The following OCA2 variants were observed in gnomAD, a reference collection of about 807,000 sequenced individuals.
OCA2 encodes P protein.
Under a neutral mutation model 100.2 loss-of-function variants are expected in OCA2, and 77 were observed. The ratio of observed to expected loss-of-function variants is 0.77; its 90% CI spans 0.64 to 0.93. The LOEUF (loss-of-function observed/expected upper bound fraction) is 0.93, where lower values mean the gene tolerates loss of function less well. Ranked by LOEUF, OCA2 falls within the 40% of genes least tolerant of loss-of-function variation. OCA2 has a pLI of 0.00. For missense variants in OCA2, 1,062 were observed against 1,089.1 expected (o/e 0.98, Z 0.35); for synonymous variants, 432 against 439.2 (o/e 0.98, Z 0.21).
intron 23 of OCA2, among the ~76,000 whole-genome samples, chr15:27,782,230 T>C (rs2032580604): frequency 6.6e-6 from 1 of 152,222 alleles, no homozygotes; most frequent in Non-Finnish European, 1.5e-5. Context: ...CTAAGTTTGT[T>C]TCTGGAGGAA....
intron 9 of OCA2, among the ~76,000 whole-genome samples, chr15:27,995,549 T>C (rs1273087517): frequency 8.1e-6 from 1 of 123,462 alleles, no homozygotes; most frequent in Non-Finnish European, 1.9e-5. Flanking sequence ...TACACCACCA[T>C]GTCCAGCTAA....
At chr15:27,887,275 G>C (rs1262209159) in intron 19 of OCA2, among the ~76,000 whole-genome samples, 3 of 151,934 alleles carry the variant, frequency 2.0e-5, no homozygotes, top group Non-Finnish European at 4.4e-5. Flanking sequence ...CAGGAAAATG[G>C]GAACAGCACA....
At chr15:27,945,841 C>T (rs1374076003) in intron 18 of OCA2, among the ~76,000 whole-genome samples, 1 of 152,136 alleles carries the variant, frequency 6.6e-6, no homozygotes, top group African/African-American at 2.4e-5. Flanking sequence ...TAGGAAACAG[C>T]TCATCAAGGC....
chr15:27,988,854 T>C (rs2041449009), intron 11 of OCA2, among the ~76,000 whole-genome samples: 1 of 152,184 alleles, frequency 6.6e-6, no homozygotes, highest in East Asian at 1.9e-4. Flanking sequence ...CCACAGAGGA[T>C]GGCGGCACGG....
chr15:27,990,075 C>G (rs2041500942), intron 10 of OCA2, among the ~76,000 whole-genome samples: 1 of 152,092 alleles, frequency 6.6e-6, no homozygotes, highest in Admixed American at 6.5e-5. Flanking sequence ...CCTCCATCCC[C>G]AGTGGCCACT....
chr15:28,050,585 G>C (rs2043481410), intron 2 of OCA2, among the ~76,000 whole-genome samples: 1 of 139,020 alleles, frequency 7.2e-6, no homozygotes, highest in Admixed American at 7.1e-5. Context: ...AAAAAAAAAA[G>C]ACCAGTGCCC....
chr15:27,834,409 T>A (rs1422067820), intron 23 of OCA2, among the ~76,000 whole-genome samples: 1 of 152,188 alleles, frequency 6.6e-6, no homozygotes, highest in Non-Finnish European at 1.5e-5. Flanking sequence ...TTGAACCCTT[T>A]ATAATACCCT....
At chr15:28,058,010 A>G (rs1007319248) in intron 2 of OCA2, among the ~76,000 whole-genome samples, 2 of 152,114 alleles carry the variant, frequency 1.3e-5, no homozygotes, top group Non-Finnish European at 2.9e-5. Context: ...GTGAGGACCC[A>G]CCCAGAGCTG....
chr15:27,944,039 A>T (rs986819268), intron 18 of OCA2, among the ~76,000 whole-genome samples: 1 of 152,244 alleles, frequency 6.6e-6, no homozygotes, highest in African/African-American at 2.4e-5. Context: ...CTCTTCAAAT[A>T]ATTTACAGAG....
rs1478130778 is a variant in OCA2 at position 27,776,232 on chromosome 15, C to A, written c.2433-20760G>T. Among the ~76,000 whole-genome samples the A allele has an allele frequency of 2.0e-5, 3 of 152,330 alleles. No individual in the cohort carries two copies. In the South Asian group the frequency reaches 6.2e-4, roughly 32 times the overall value. The stretch of plus-strand genomic sequence containing the variant: ...CTGTGTGCACATGCAGATATATACC[C>A]TTCTCAGTGGCAGTGGCCTCATCTG... On this transcript the variant is annotated intron_variant, in intron 23 of 23. Coordinates refer to ENST00000354638, the MANE Select transcript of OCA2 (RefSeq NM_000275.3).
At chr15:27,724,715 G>T in the OCA2 span, among the ~76,000 whole-genome samples, 1 of 152,038 alleles carries the variant, frequency 6.6e-6, no homozygotes, top group African/African-American at 2.4e-5. Flanking sequence ...TACAGTGACT[G>T]CAAGGAAGAG....
chr15:27,985,153 C>T lies in OCA2; in HGVS notation c.1275G>A (p.Met425Ile), dbSNP rs374919133. ...CCGCGATGAGACAGAGCATGATGAT[C>T]ATGGCCCACACCCGTCCCCGGGAGA... Reference protein sequence around the residue: ...YRLSRGRVWAMIIMLCLIAAV... With the variant: ...YRLSRGRVWAIIIMLCLIAAV... Residue 425 changes from methionine to isoleucine, a missense_variant, in exon 13 of 24, where the codon ATG becomes ATA. Met to Ile is a conservative substitution (Grantham distance 10, BLOSUM62 1). Transcript: ENST00000354638. 2.5e-6 allele frequency: 4 copies of T among 1,613,774 alleles called. No individual in the cohort carries two copies. In the African/African-American group the frequency reaches 5.3e-5, roughly 22 times the overall value.
rs114039461 is a variant in OCA2, at chr15:28,061,682, G to A, written c.227+19966C>T. On this transcript the variant is annotated intron_variant, in intron 2 of 23. Transcript: ENST00000354638. The stretch of plus-strand genomic sequence containing the variant: ...AGGAACAGGCCCTCACCAGCACCTT[G>A]ACTTTGCACTTCCCAGCCTCCAGAA... Among the ~76,000 whole-genome samples, 345 of 152,288 alleles carry A rather than the reference G, an allele frequency of 2.3e-3. 1 individual carries two copies. Among genetic ancestry groups the A allele is most frequent in the African/African-American group, 7.9e-3 (328 of 41,566 alleles).
chr15:28,093,030 A>C (rs578138768), intron 1 of OCA2, among the ~76,000 whole-genome samples: 1 of 152,186 alleles, frequency 6.6e-6, no homozygotes, highest in Non-Finnish European at 1.5e-5. Flanking sequence ...AGATTTCACT[A>C]AGGAGGATAT....
Position 27,991,574 on chromosome 15 carries a change from A to G in OCA2, c.1045-927T>C, listed in dbSNP as rs146959920. 8.1e-3 allele frequency among the ~76,000 whole-genome samples: 1,237 copies of G among 152,282 alleles called. 16 individuals carry two copies. The highest frequency in any genetic ancestry group is 0.028 in the African/African-American group (1,177 of 41,546). The stretch of plus-strand genomic sequence containing the variant: ...TGCCCAAGGCTGGGGAAAGCAACAA[A>G]GGTTGACTGGAAACGGGTCCCAGGG... On this transcript the variant is annotated intron_variant, in intron 9 of 23. Coordinates refer to ENST00000354638, the MANE Select transcript of OCA2 (RefSeq NM_000275.3).
At chr15:27,822,511 T>C (rs2034545015) in intron 23 of OCA2, among the ~76,000 whole-genome samples, 1 of 152,216 alleles carries the variant, frequency 6.6e-6, no homozygotes, top group South Asian at 2.1e-4. Context: ...ACATTTCCAC[T>C]AGCAGTGTAT....
chr15:27,922,608 G>C (rs1283097918), intron 19 of OCA2, among the ~76,000 whole-genome samples: 2 of 152,012 alleles, frequency 1.3e-5, no homozygotes, highest in Admixed American at 1.3e-4. Flanking sequence ...TTTTATAGGA[G>C]TAAATAAGAT....
intron 19 of OCA2, among the ~76,000 whole-genome samples, chr15:27,877,147 G>A (rs1404446893): frequency 6.6e-6 from 1 of 151,772 alleles, no homozygotes; most frequent in African/African-American, 2.4e-5. Flanking sequence ...GATTTAACTA[G>A]AAGTGTATCA....
At chr15:27,746,790 C>T in the OCA2 span, among the ~76,000 whole-genome samples, 1 of 152,202 alleles carries the variant, frequency 6.6e-6, no homozygotes, top group Non-Finnish European at 1.5e-5. Context: ...GTGGGATGTA[C>T]TCCCCTCTCT....
Sources: allele counts gnomAD v4.1 joint callset (sites outside exome capture counted in the v4.1 genomes callset), GRCh38; gene constraint gnomAD v4.1.1; transcripts MANE v1.5; gene names NCBI Gene and HGNC (gene_info 2026-07-23, HGNC 2026-07-21).